Variants in PARD3B observed in about 807,000 individuals in gnomAD.
PARD3B encodes the protein par-3 family cell polarity regulator beta, also known as partitioning defective 3 homolog B.
Under a neutral mutation model 130.2 loss-of-function variants are expected in PARD3B, and 103 were observed. That is an observed-to-expected ratio of 0.79 (90% CI 0.67 to 0.93). The LOEUF (loss-of-function observed/expected upper bound fraction) is 0.93. Ranked by LOEUF, PARD3B falls within the 40% of genes least tolerant of loss-of-function variation. The pLI, the probability that PARD3B is intolerant of heterozygous loss-of-function variation, is 0.00. For missense variants in PARD3B, 1,609 were observed against 1,499.2 expected, an observed-to-expected ratio of 1.07 and a Z score of -1.21; for synonymous variants, 583 against 553.2, an observed-to-expected ratio of 1.05 and a Z score of -0.76.
chr2:204,648,597 A>T (rs1352063723), intron 1 of PARD3B, among the ~76,000 whole-genome samples: 13 of 125,392 alleles, frequency 1.0e-4, no homozygotes, highest in Admixed American at 1.9e-4. Flanking sequence ...TATTATATAT[A>T]ATATATTTAT....
intron 1 of PARD3B, among the ~76,000 whole-genome samples, chr2:204,633,579 C>T (rs185283715): frequency 4.7e-4 from 72 of 152,066 alleles, no homozygotes; most frequent in African/African-American, 1.6e-3. Context: ...TTTGGGAGGC[C>T]GAGGCAGGTG....
chr2:205,334,481 G>A (rs1428539231), intron 18 of PARD3B, among the ~76,000 whole-genome samples: 1 of 152,148 alleles, frequency 6.6e-6, no homozygotes, highest in Non-Finnish European at 1.5e-5. Context: ...CTATGAAAAA[G>A]CCATTGATTT....
chr2:205,011,930 C>T lies in PARD3B; in HGVS notation c.395-35651C>T, dbSNP rs1029302853. On this transcript the variant is annotated intron_variant, in intron 3 of 22. Coordinates refer to ENST00000406610, the MANE Select transcript of PARD3B (RefSeq NM_001302769.2). The surrounding 1 kb of genome is among the most constrained non-coding windows in gnomAD (Gnocchi z 4.1). ...AGGAGGAGAGAAGAGAATGGGCAGT[C>T]TCTGGAGCACAGACTGAGGAATGGA... 6.6e-6 allele frequency among the ~76,000 whole-genome samples: 1 copy of T among 152,116 alleles called. No individual in the cohort carries two copies. The highest frequency in any genetic ancestry group is 1.5e-5 in the Non-Finnish European group (1 of 68,030).
chr2:205,149,361 A>G (rs972992849), intron 10 of PARD3B, among the ~76,000 whole-genome samples: 1 of 152,212 alleles, frequency 6.6e-6, no homozygotes, highest in South Asian at 2.1e-4. Context: ...TACAGGCATG[A>G]GCCACTGTGC....
chr2:204,764,978 A>C (rs999007578), intron 2 of PARD3B, among the ~76,000 whole-genome samples: 12 of 152,064 alleles, frequency 7.9e-5, no homozygotes, highest in African/African-American at 2.9e-4. Flanking sequence ...GTGAGACTTT[A>C]GAGAAGGGAA....
chr2:204,842,766 C>A (rs146666929), intron 2 of PARD3B, among the ~76,000 whole-genome samples: 1 of 152,088 alleles, frequency 6.6e-6, no homozygotes, highest in Non-Finnish European at 1.5e-5. Context: ...TGAAGAAAAT[C>A]GCTCTGTACA....
chr2:205,017,249 A>C (rs922448822), intron 3 of PARD3B, among the ~76,000 whole-genome samples: 2 of 152,152 alleles, frequency 1.3e-5, no homozygotes, highest in Non-Finnish European at 2.9e-5. Flanking sequence ...AGAACATTAT[A>C]CCCTAACTAA....
intron 2 of PARD3B, among the ~76,000 whole-genome samples, chr2:204,851,501 A>T (rs1460706548): frequency 6.6e-6 from 1 of 152,238 alleles, no homozygotes; most frequent in Non-Finnish European, 1.5e-5. Context: ...ACTTTATTTT[A>T]CAGAGTTTTA....
At chr2:204,939,749 G>A (rs1419374677) in intron 2 of PARD3B, among the ~76,000 whole-genome samples, 1 of 152,096 alleles carries the variant, frequency 6.6e-6, no homozygotes, top group Non-Finnish European at 1.5e-5. Context: ...TATAAACAGG[G>A]CCTTGTAGCT....
chr2:205,493,660 T>C (rs972304902), intron 20 of PARD3B, among the ~76,000 whole-genome samples: 3 of 152,042 alleles, frequency 2.0e-5, no homozygotes, highest in Non-Finnish European at 4.4e-5. Flanking sequence ...GATTATCACC[T>C]CCAGATAGGA....
intron 20 of PARD3B, among the ~76,000 whole-genome samples, chr2:205,488,975 T>C (rs551351214): frequency 3.3e-5 from 5 of 152,310 alleles, no homozygotes; most frequent in African/African-American, 1.2e-4. Flanking sequence ...TTTATCATTT[T>C]TTAACAGAAG....
chr2:204,556,920 A>G (rs1396314087), intron 1 of PARD3B, among the ~76,000 whole-genome samples: 1 of 152,120 alleles, frequency 6.6e-6, no homozygotes, highest in African/African-American at 2.4e-5. Flanking sequence ...ATCAAGATCT[A>G]GTAGCTAAAG....
chr2:205,481,928 T>C (rs1173298199), intron 20 of PARD3B, among the ~76,000 whole-genome samples: 1 of 152,218 alleles, frequency 6.6e-6, no homozygotes, highest in East Asian at 1.9e-4. Context: ...TCTGGACAAG[T>C]TGAGTGTAAG....
intron 11 of PARD3B, among the ~76,000 whole-genome samples, chr2:205,166,476 T>A (rs2034826002): frequency 6.6e-6 from 1 of 152,206 alleles, no homozygotes; most frequent in African/African-American, 2.4e-5. Flanking sequence ...TTGGGAAGAA[T>A]GGACCTCTTC....
At chr2:205,028,886 T>C (rs888592808) in intron 3 of PARD3B, among the ~76,000 whole-genome samples, 11 of 152,176 alleles carry the variant, frequency 7.2e-5, no homozygotes, top group Non-Finnish European at 1.3e-4. Context: ...TACACTAACA[T>C]TTAACTATCT....
intron 22 of PARD3B, among the ~76,000 whole-genome samples, chr2:205,556,991 T>C (rs1380434576): frequency 1.3e-5 from 2 of 152,100 alleles, no homozygotes; most frequent in Non-Finnish European, 2.9e-5. Context: ...ACTCTTCCCA[T>C]CTCAAGCCTC....
At chr2:204,869,724 G>A (rs2045562237) in intron 2 of PARD3B, among the ~76,000 whole-genome samples, 1 of 151,872 alleles carries the variant, frequency 6.6e-6, no homozygotes, top group Non-Finnish European at 1.5e-5. Flanking sequence ...TTCTTATCTA[G>A]GATCAAAGAA....
At chr2:205,304,928 G>C (rs2042137905) in intron 18 of PARD3B, among the ~76,000 whole-genome samples, 1 of 152,136 alleles carries the variant, frequency 6.6e-6, no homozygotes, top group African/African-American at 2.4e-5. Flanking sequence ...CTGGGCAACA[G>C]AGTAAGACCC....
In PARD3B at chr2:205,550,923, ATG is replaced by A. The variant is rs372406832; in HGVS notation, c.3181-2383_3181-2382del. The stretch of plus-strand genomic sequence containing the variant: ...AATCATGTTATAAATACATATAATT[ATG>A]TGTGTGTGTGTGTGTGTATATATAT... On this transcript the variant is annotated intron_variant, in intron 21 of 22. Coordinates refer to ENST00000406610, the MANE Select transcript of PARD3B (RefSeq NM_001302769.2). This position sits in a 1 kb window ranked among gnomAD's most constrained non-coding sequence, Gnocchi z 4.5. Among the ~76,000 whole-genome samples the A allele has an allele frequency of 0.072, 9,629 of 134,484 alleles. 415 individuals are homozygous for A. Among genetic ancestry groups the A allele is most frequent in the African/African-American group, 0.089 (3,113 of 34,820 alleles). 88.2% of individuals were successfully genotyped at this position (134,484 alleles called of 152,430 possible). A position where few individuals can be genotyped will look rare whatever the true frequency, so the allele number is the denominator to read the frequency against.
Sources: gnomAD v4.1 joint callset for allele counts (sites outside exome capture counted in the v4.1 genomes callset) on GRCh38, gnomAD v4.1.1 for gene constraint, Gnocchi (gnomAD v3.1) non-coding constraint, MANE v1.5 for transcripts, NCBI Gene and HGNC (gene_info 2026-07-23, HGNC 2026-07-21) for gene names.